Variants in EVI5L observed in about 807,000 individuals in gnomAD.
EVI5L encodes the protein EVI5-like protein.
Under a neutral mutation model 106.1 loss-of-function variants are expected in EVI5L, and 30 were observed. The ratio of observed to expected loss-of-function variants is 0.28; its 90% CI spans 0.21 to 0.38. EVI5L has a LOEUF of 0.38. Ranked by LOEUF, EVI5L falls within the 10% of genes least tolerant of loss-of-function variation. The pLI is 1.00. For missense variants in EVI5L, 809 were observed against 1,098.0 expected, an observed-to-expected ratio of 0.74 and a Z score of 3.72; for synonymous variants, 489 against 483.3, an observed-to-expected ratio of 1.01 and a Z score of -0.15.
chr19:7,836,360 C>T lies in EVI5L; in HGVS notation c.-48+5979C>T, dbSNP rs150272789. On this transcript the variant is annotated intron_variant, in intron 1 of 19. Coordinates refer to ENST00000538904, the MANE Select transcript of EVI5L (RefSeq NM_001159944.3). ...GACTGAAAGATGCATCATATGTGCT[C>T]GCCCTCTCTCACCGTTGAAAAATAA... 2.5e-3 allele frequency among the ~76,000 whole-genome samples: 374 copies of T among 152,346 alleles called. 1 individual carries two copies. The highest frequency in any genetic ancestry group is 4.6e-3 in the Non-Finnish European group (311 of 68,038).
intron 4 of EVI5L, 29 bp downstream of exon 4, chr19:7,849,174 G>C (rs1979112071): frequency 6.2e-7 from 1 of 1,612,434 alleles, no homozygotes; most frequent in Non-Finnish European, 8.5e-7. Flanking sequence ...CGCTCCCTCG[G>C]TCCCAAAGGA....
intron 1 of EVI5L, among the ~76,000 whole-genome samples, chr19:7,842,480 G>C (rs1978667497): frequency 6.6e-6 from 1 of 151,722 alleles, no homozygotes; most frequent in South Asian, 2.1e-4. Flanking sequence ...GTGTGTGCAT[G>C]TGTGTGGGGA....
In EVI5L at chr19:7,850,610, C is replaced by G. The variant is rs567908079; in HGVS notation, c.753+488C>G. Among the ~76,000 whole-genome samples, 1 of 152,182 alleles carries G rather than the reference C, an allele frequency of 6.6e-6. No individual in the cohort carries two copies. The highest frequency in any genetic ancestry group is 1.5e-5 in the Non-Finnish European group (1 of 68,008). On this transcript the variant is annotated intron_variant, in intron 6 of 19. Coordinates refer to ENST00000538904, the MANE Select transcript of EVI5L (RefSeq NM_001159944.3). The surrounding 1 kb of genome is among the most constrained non-coding windows in gnomAD (Gnocchi z 5.4). Reference sequence around the variant, plus strand: ...ACACACCCGCATGCATACACACACACGCAGACACACACACACACACCGGCC... The same window carrying G: ...ACACACCCGCATGCATACACACACAGGCAGACACACACACACACACCGGCC...
chr19:7,850,024 T>A lies in EVI5L; in HGVS notation c.655T>A (p.Phe219Ile), dbSNP rs758668920. The A allele has an allele frequency of 1.9e-6, 3 of 1,601,948 alleles. No homozygotes were observed. In the South Asian group the frequency reaches 3.4e-5, roughly 18 times the overall value. ...GCCTGAGGAGGAGGCCTTCTGTGTG[T>A]TCGTGCGGCTGATGCAGGAGTACCG... ...QMPEEEAFCV[F>I]VRLMQEYRLR... is the part of the protein sequence containing the mutation. The change falls in exon 6 of 20, where the codon TTC becomes ATC. Residue 219 changes from phenylalanine (F) to isoleucine (I), a missense_variant. By Grantham distance (21) the Phe-to-Ile change is conservative. Coordinates refer to ENST00000538904, the MANE Select transcript of EVI5L (RefSeq NM_001159944.3). The surrounding 1 kb of genome is among the most constrained non-coding windows in gnomAD (Gnocchi z 5.4).
intron 1 of EVI5L, among the ~76,000 whole-genome samples, chr19:7,841,334 A>G (rs900269130): frequency 1.3e-5 from 2 of 152,048 alleles, no homozygotes; most frequent in African/African-American, 4.8e-5. Context: ...CCAGGGAGGA[A>G]GAGATGCCAC....
In EVI5L at chr19:7,860,622, G is replaced by A. The variant is rs761062177; in HGVS notation, c.1436G>A (p.Arg479Lys). 2 of 1,599,782 alleles carry A rather than the reference G, an allele frequency of 1.3e-6. No homozygotes were observed. The highest frequency in any genetic ancestry group is 1.7e-6 in the Non-Finnish European group (2 of 1,173,470). ...CTGGAGACCGAGCTGGAGCAGTCGA[G>A]GCTGCGGGAGACGGAGACACTGGGG... ...SHLETELEQS[R>K]LRETETLGAL... is the part of the protein sequence containing the mutation. Residue 479 changes from arginine to lysine, a missense_variant, in exon 14 of 20, where the codon AGG becomes AAG. By Grantham distance (26) the Arg-to-Lys change is conservative. Coordinates refer to ENST00000538904, the MANE Select transcript of EVI5L (RefSeq NM_001159944.3).
Position 7,847,728 on chromosome 19 carries a change from C to T in EVI5L, c.138-4C>T, listed in dbSNP as rs1285917313. 6.2e-7 allele frequency: 1 copy of T among 1,610,188 alleles called. No homozygotes were observed. The highest frequency in any genetic ancestry group is 1.3e-5 in the African/African-American group (1 of 74,766). ...GTTCCCCTCTGTCGGCCCTTCCTGC[C>T]CAGGCTCCTGGAGGCCGACTCCAAG... is the stretch of plus-strand genomic sequence containing the variant. On this transcript the variant is annotated splice_polypyrimidine_tract_variant and splice_region_variant and intron_variant, in intron 2 of 19. Transcript: ENST00000538904.
rs1011629400 is a variant in EVI5L at position 7,830,236 on chromosome 19, A to AGCGGCGGAGCCG, written c.-185_-174dup. 12 of 149,958 alleles carry AGCGGCGGAGCCG rather than the reference A, an allele frequency of 8.0e-5. No homozygotes were observed. The highest frequency in any genetic ancestry group is 1.8e-4 in the South Asian group (1 of 5,566). The allele number at this position is 149,958 out of a possible 1,614,324, so 9.3% of individuals were successfully genotyped here. On this transcript the variant is annotated 5_prime_UTR_variant, in exon 1 of 20. Coordinates refer to ENST00000538904, the MANE Select transcript of EVI5L (RefSeq NM_001159944.3). ...GGCTCCTGTCAGCGGGTGAAATGGCAGCGGCGGAGCCGGCGGCGGCCGCGG... is the reference window on the plus strand; with the variant it reads ...GGCTCCTGTCAGCGGGTGAAATGGCAGCGGCGGAGCCGGCGGCGGAGCCGGCGGCGGCCGCGG...
chr19:7,860,800 A>G, intron 14 of EVI5L, 111 bp downstream of exon 14: 1 of 1,243,860 alleles, frequency 8.0e-7, no homozygotes, highest in African/African-American at 1.5e-5. Context: ...CCCCATGCAC[A>G]CACAACCATA....
In EVI5L at chr19:7,848,523, G is replaced by C. The variant is rs1979071279; in HGVS notation, c.328-398G>C. Among the ~76,000 whole-genome samples, 1 of 152,066 alleles carries C rather than the reference G, an allele frequency of 6.6e-6. No individual in the cohort carries two copies. The highest frequency in any genetic ancestry group is 2.4e-5 in the African/African-American group (1 of 41,396). The stretch of plus-strand genomic sequence containing the variant: ...GAGGCAGGAGAATCACTTGAACCTG[G>C]GAGGCAAGAGGTAGCAGTGAGCCAA... On this transcript the variant is annotated intron_variant, in intron 3 of 19. Coordinates refer to ENST00000538904, the MANE Select transcript of EVI5L (RefSeq NM_001159944.3). The surrounding 1 kb of genome is among the most constrained non-coding windows in gnomAD (Gnocchi z 4.8).
At chr19:7,851,836 C>T (rs1050377341) in intron 8 of EVI5L, 66 bp downstream of exon 8, 1 of 1,400,892 alleles carries the variant, frequency 7.1e-7, no homozygotes, top group Non-Finnish European at 9.4e-7. Flanking sequence ...ACAGGATGCC[C>T]TCACAAGTGA....
chr19:7,863,330 G>T lies in EVI5L; in HGVS notation c.2139+50G>T. On this transcript the variant is annotated intron_variant, in intron 19 of 19. Transcript: ENST00000538904. The surrounding 1 kb of genome is among the most constrained non-coding windows in gnomAD (Gnocchi z 7.7). Reference sequence around the variant, plus strand: ...GACAGGCCTGGGTGTCGTCGGCCTGGGACGAGCCGAGCGCAGGTGCCTTGC... The same window carrying T: ...GACAGGCCTGGGTGTCGTCGGCCTGTGACGAGCCGAGCGCAGGTGCCTTGC... 1 of 1,547,466 alleles carries T rather than the reference G, an allele frequency of 6.5e-7. No individual in the cohort carries two copies. The highest frequency in any genetic ancestry group is 8.7e-7 in the Non-Finnish European group (1 of 1,145,778).
Position 7,845,340 on chromosome 19 carries a change from C to A in EVI5L, c.-47-1156C>A, listed in dbSNP as rs770626560. Among the ~76,000 whole-genome samples the A allele has an allele frequency of 1.3e-4, 20 of 152,116 alleles. No homozygotes were observed. Among genetic ancestry groups the A allele is most frequent in the Non-Finnish European group, 2.5e-4 (17 of 67,972 alleles). ...AAGGAACACCATCCCCAGCCGCTGC[C>A]TCCACTCCCATAGCCGTCCCTTTCC... On this transcript the variant is annotated intron_variant, in intron 1 of 19. Coordinates refer to ENST00000538904, the MANE Select transcript of EVI5L (RefSeq NM_001159944.3). The surrounding 1 kb of genome is among the most constrained non-coding windows in gnomAD (Gnocchi z 4.0).
rs371069285 is a variant in EVI5L at position 7,860,587 on chromosome 19, C to T, written c.1401C>T (p.Phe467=). 1.8e-5 allele frequency: 29 copies of T among 1,598,104 alleles called. No individual in the cohort carries two copies. The highest frequency in any genetic ancestry group is 3.4e-5 in the Admixed American group (2 of 58,210). ...AGAACCCCCGCCTCACAGAAGACTT[C>T]GTGTCCCACCTGGAGACCGAGCTGG... ...QQENPRLTED[F]VSHLETELEQ... is the part of the protein sequence containing the mutation. Residue 467 remains phenylalanine (F), a synonymous_variant, in exon 14 of 20, where the codon TTC becomes TTT. Transcript: ENST00000538904.
At chr19:7,853,249 C>T in intron 9 of EVI5L, 24 bp from the exon 10 acceptor site, 3 of 1,613,894 alleles carry the variant, frequency 1.9e-6, no homozygotes, top group Non-Finnish European at 2.5e-6. Flanking sequence ...ATGACAGTAA[C>T]CACGGGGCCC....
intron 17 of EVI5L, 62 bp from the exon 18 acceptor site, chr19:7,862,910 C>T (rs1979912446): frequency 7.9e-7 from 1 of 1,266,918 alleles, no homozygotes; most frequent in South Asian, 1.3e-5. Context: ...CCCGCGGTCC[C>T]GCCCCCTGAT....
In EVI5L at chr19:7,849,330, G is replaced by A. The variant is rs1433448703; in HGVS notation, c.627G>A (p.Gln209=). 1 of 1,613,894 alleles carries A rather than the reference G, an allele frequency of 6.2e-7. No homozygotes were observed. The highest frequency in any genetic ancestry group is 8.5e-7 in the Non-Finnish European group (1 of 1,180,034). ...SAFIVGLLLM[Q]MPEEEAFCVF... Reference sequence around the variant, plus strand: ...TCATCGTGGGCCTGCTCCTCATGCAGGTAGGTGGCTGGGGGGTGGCTGGGC... The same window carrying A: ...TCATCGTGGGCCTGCTCCTCATGCAAGTAGGTGGCTGGGGGGTGGCTGGGC... Residue 209 remains glutamine (Q), a splice_region_variant and synonymous_variant, in exon 5 of 20, where the codon CAG becomes CAA. Transcript: ENST00000538904.
At chr19:7,833,982 C>T (rs1978309608) in intron 1 of EVI5L, among the ~76,000 whole-genome samples, 1 of 152,288 alleles carries the variant, frequency 6.6e-6, no homozygotes, top group East Asian at 1.9e-4. Context: ...TTTGGAAGGC[C>T]TCATTGGCAT....
intron 1 of EVI5L, among the ~76,000 whole-genome samples, chr19:7,836,688 G>C (rs980428385): frequency 4.6e-5 from 7 of 151,516 alleles, no homozygotes; most frequent in Admixed American, 1.3e-4. Flanking sequence ...ATCCAGGCTG[G>C]AGTGCAGTGG....
Sources: gnomAD v4.1 joint callset for allele counts (sites outside exome capture counted in the v4.1 genomes callset) on GRCh38, gnomAD v4.1.1 for gene constraint, Gnocchi (gnomAD v3.1) non-coding constraint, MANE v1.5 for transcripts, NCBI Gene and HGNC (gene_info 2026-07-23, HGNC 2026-07-21) for gene names.